Variants in MECOM observed in about 807,000 individuals in gnomAD.
MECOM encodes the protein MDS1 and EVI1 complex locus.
MECOM carries 13 observed loss-of-function variants against 116.3 expected under a neutral mutation model. The observed-to-expected ratio is 0.11, with a 90% CI of 0.07 to 0.18. The LOEUF (loss-of-function observed/expected upper bound fraction) is 0.18. MECOM is among the 10% of genes least tolerant of loss of function. The pLI, the probability that MECOM is intolerant of heterozygous loss-of-function variation, is 1.00. For synonymous variants in MECOM, 528 were observed against 535.2 expected (o/e 0.99, Z 0.19); for missense variants, 1,299 against 1,509.0 (o/e 0.86, Z 2.31).
chr3:169,260,992 A>G (rs1757460794), intron 2 of MECOM, among the ~76,000 whole-genome samples: 1 of 152,194 alleles, frequency 6.6e-6, no homozygotes, highest in South Asian at 2.1e-4. Flanking sequence ...CAAGAAAGGA[A>G]CAATGAAAAC....
intron 14 of MECOM, 37 bp downstream of exon 14, chr3:169,092,921 G>C: frequency 2.5e-6 from 4 of 1,610,106 alleles, no homozygotes; most frequent in Non-Finnish European, 3.4e-6. Flanking sequence ...GTTCATTTCA[G>C]TCGTCACAGA....
intron 1 of MECOM, among the ~76,000 whole-genome samples, chr3:169,452,057 G>A (rs1272939708): frequency 1.3e-5 from 2 of 151,816 alleles, no homozygotes; most frequent in African/African-American, 2.4e-5. Context: ...CCTCAAGGTA[G>A]TCCTTCCCAA....
At chr3:169,268,166 A>G (rs987997405) in intron 2 of MECOM, among the ~76,000 whole-genome samples, 1 of 152,174 alleles carries the variant, frequency 6.6e-6, no homozygotes, top group Non-Finnish European at 1.5e-5. Flanking sequence ...GGGATGGAAA[A>G]TCTTTGATAG....
At position 169,378,457 on chromosome 3, in the gene MECOM, GCAAGCAAGCAAGCAAGCAAGAA is replaced by G. The variant is rs1480060565; in HGVS notation, c.375+2708_375+2729del. ...AGAAAGAAAGAAAGAAAGAAGGAAA[GCAAGCAAGCAAGCAAGCAAGAA>G]AGAGAGAGAGAAAGAAAGAAAGAAA... On this transcript the variant is annotated intron_variant, in intron 2 of 16. Coordinates refer to ENST00000651503, the MANE Select transcript of MECOM (RefSeq NM_004991.4). Among the ~76,000 whole-genome samples the G allele has an allele frequency of 9.2e-4, 56 of 60,852 alleles. 1 individual carries two copies. Among genetic ancestry groups the G allele is most frequent in the African/African-American group, 5.6e-3 (56 of 9,946 alleles). The allele number at this position is 60,852 out of a possible 152,430, so 39.9% of individuals were successfully genotyped here.
At chr3:169,414,700 G>A (rs1330905796) in intron 1 of MECOM, among the ~76,000 whole-genome samples, 1 of 152,126 alleles carries the variant, frequency 6.6e-6, no homozygotes, top group African/African-American at 2.4e-5. Flanking sequence ...GTGATCTGAT[G>A]GAGCTGAAAA....
intron 2 of MECOM, among the ~76,000 whole-genome samples, chr3:169,243,399 CAG>C (rs1463071670): frequency 1.3e-5 from 2 of 152,100 alleles, no homozygotes; most frequent in Non-Finnish European, 2.9e-5. Context: ...ATTTATTTTG[CAG>C]AGTTTTAAAG....
intron 1 of MECOM, among the ~76,000 whole-genome samples, chr3:169,482,381 GA>G (rs1239335273): frequency 5.5e-5 from 8 of 145,982 alleles, no homozygotes; most frequent in Non-Finnish European, 3.0e-5. Flanking sequence ...GCCCAGGCTG[GA>G]ATGCAGCGGT....
At position 169,102,196 on chromosome 3, in the gene MECOM, G is replaced by T; in HGVS notation, c.2635C>A (p.Leu879Ile). ...GGTTTCAGGGCACTGAAGCTCTCTA[G>T]CTTTTCTGCCATGTTTTCAATAGCT... ...MSAIENMAEK[L>I]ESFSALKPEA... The change falls in exon 11 of 17, where the codon CTA becomes ATA. Residue 879 changes from leucine to isoleucine, a missense_variant. Leu to Ile is a conservative substitution (Grantham distance 5). Transcript: ENST00000651503. The T allele has an allele frequency of 6.2e-7, 1 of 1,613,570 alleles. No homozygotes were observed. The highest frequency in any genetic ancestry group is 8.5e-7 in the Non-Finnish European group (1 of 1,179,668).
rs572877677 is a variant in MECOM, at chr3:169,595,077, A to G, written c.37+68259T>C. Among the ~76,000 whole-genome samples the G allele has an allele frequency of 1.2e-4, 18 of 152,288 alleles. 1 individual carries two copies. In the South Asian group the frequency reaches 3.7e-3, roughly 32 times the overall value. On this transcript the variant is annotated intron_variant, in intron 1 of 16. Coordinates refer to ENST00000651503, the MANE Select transcript of MECOM (RefSeq NM_004991.4). ...ATGGTGAATTTTCTTTATTTTCTTC[A>G]AGACAGGCTCATGTGGCTATGACCT...
chr3:169,548,222 T>C (rs893866766), intron 1 of MECOM, among the ~76,000 whole-genome samples: 1 of 152,200 alleles, frequency 6.6e-6, no homozygotes, highest in African/African-American at 2.4e-5. Flanking sequence ...TTAAAAATAC[T>C]GTGAAATTGA....
chr3:169,377,957 T>C (rs992701497), intron 2 of MECOM, among the ~76,000 whole-genome samples: 1 of 151,906 alleles, frequency 6.6e-6, no homozygotes, highest in African/African-American at 2.4e-5. Context: ...ATAAAGAAAA[T>C]GTGGTACATA....
chr3:169,199,578 T>C (rs140478521), intron 2 of MECOM, among the ~76,000 whole-genome samples: 1 of 152,124 alleles, frequency 6.6e-6, no homozygotes, highest in Non-Finnish European at 1.5e-5. Context: ...AAAACCTGGC[T>C]TCATTTTTCT....
chr3:169,372,938 C>T (rs968898383), intron 2 of MECOM, among the ~76,000 whole-genome samples: 3 of 152,000 alleles, frequency 2.0e-5, no homozygotes, highest in East Asian at 3.9e-4. Flanking sequence ...TTTCCCACTG[C>T]TCCGCATGCA....
chr3:169,221,948 T>C (rs1752191129), intron 2 of MECOM, among the ~76,000 whole-genome samples: 2 of 152,076 alleles, frequency 1.3e-5, no homozygotes, highest in Admixed American at 1.3e-4. Flanking sequence ...AAGGAAATGC[T>C]TTTTTGTTGT....
rs191566527 is a variant in MECOM, at chr3:169,612,009, C to A, written c.37+51327G>T. 5.6e-4 allele frequency among the ~76,000 whole-genome samples: 86 copies of A among 152,286 alleles called. No homozygotes were observed. The East Asian group carries it at 0.011, about 19-fold the overall frequency. On this transcript the variant is annotated intron_variant, in intron 1 of 16. Coordinates refer to ENST00000651503, the MANE Select transcript of MECOM (RefSeq NM_004991.4). ...AAATATTGAGCAGTGTGTCCCTGGC[C>A]TCTACCCAGTAGGTGCTAGTAGCCA...
intron 1 of MECOM, among the ~76,000 whole-genome samples, chr3:169,458,859 C>T (rs1746957355): frequency 2.0e-5 from 3 of 152,114 alleles, no homozygotes; most frequent in Admixed American, 2.0e-4. Context: ...GAGGCACTTC[C>T]TAGGAAACAG....
chr3:169,311,532 AG>A (rs1718760699), intron 2 of MECOM, among the ~76,000 whole-genome samples: 1 of 152,254 alleles, frequency 6.6e-6, no homozygotes, highest in Admixed American at 6.5e-5. Context: ...AAATGGCACT[AG>A]AAACAATACC....
intron 1 of MECOM, among the ~76,000 whole-genome samples, chr3:169,503,922 C>T (rs897300076): frequency 1.3e-5 from 2 of 152,018 alleles, no homozygotes; most frequent in Admixed American, 6.6e-5. Flanking sequence ...TAGTGAATAT[C>T]GTTCTTGTAA....
intron 1 of MECOM, among the ~76,000 whole-genome samples, chr3:169,394,408 C>A (rs1421369735): frequency 6.6e-6 from 1 of 152,136 alleles, no homozygotes. Flanking sequence ...CCTCAATGAT[C>A]AACTCTAAAA....
Sources: allele counts gnomAD v4.1 joint callset (sites outside exome capture counted in the v4.1 genomes callset), GRCh38; gene constraint gnomAD v4.1.1; transcripts MANE v1.5; gene names NCBI Gene and HGNC (gene_info 2026-07-23, HGNC 2026-07-21).